The following ZNF529 variants were observed in gnomAD, a reference collection of about 807,000 sequenced individuals.
ZNF529 encodes zinc finger protein 529.
In ZNF529, 11 loss-of-function variants were observed where a neutral mutation model predicts 10.1. The observed-to-expected ratio is 1.09, with a 90% CI of 0.69 to 1.81. ZNF529 has a LOEUF of 1.81. Ranked by LOEUF, ZNF529 falls within the 40% of genes most tolerant of loss-of-function variation. The pLI is 0.00. For missense variants in ZNF529, 624 were observed against 666.8 expected (o/e 0.94, Z 0.71); for synonymous variants, 204 against 215.7 (o/e 0.95, Z 0.47).
At chr19:36,562,942 G>A (rs1310963545) in intron 2 of ZNF529, among the ~76,000 whole-genome samples, 1 of 152,020 alleles carries the variant, frequency 6.6e-6, no homozygotes, top group Non-Finnish European at 1.5e-5. Flanking sequence ...AGACTTCCTT[G>A]TCCTCCCTTT....
Position 36,560,179 on chromosome 19 carries a change from C to G in ZNF529, c.15-3982G>C, listed in dbSNP as rs12462921. Among the ~76,000 whole-genome samples the G allele has an allele frequency of 5.6e-3, 844 of 149,518 alleles. 26 individuals carry two copies. Among genetic ancestry groups the G allele is most frequent in the Admixed American group, 0.038 (573 of 14,934 alleles). ...GGCTGAGGCAGAACAATCACATGAA[C>G]CCAGGAGGCAGAGGTTGCGGTGAGC... is the stretch of plus-strand genomic sequence containing the variant. On this transcript the variant is annotated intron_variant, in intron 2 of 4. Coordinates refer to ENST00000591340, the MANE Select transcript of ZNF529 (RefSeq NM_020951.5).
At chr19:36,587,786 T>A (rs934454716) in intron 2 of ZNF529, among the ~76,000 whole-genome samples, 1 of 152,178 alleles carries the variant, frequency 6.6e-6, no homozygotes, top group Non-Finnish European at 1.5e-5. Context: ...TCCATTTATA[T>A]GAAATGTCCA....
intron 4 of ZNF529, among the ~76,000 whole-genome samples, chr19:36,549,367 T>C (rs748220765): frequency 1.1e-4 from 16 of 152,164 alleles, no homozygotes; most frequent in Non-Finnish European, 8.8e-5. Context: ...CCTAAGGACA[T>C]AGTATATGAT....
At chr19:36,603,085 A>T (rs934348930) in intron 1 of ZNF529, among the ~76,000 whole-genome samples, 1 of 152,080 alleles carries the variant, frequency 6.6e-6, no homozygotes, top group African/African-American at 2.4e-5. Flanking sequence ...TCTAACTCCT[A>T]AGGTCCTCTA....
At chr19:36,587,731 T>A (rs901143615) in intron 2 of ZNF529, among the ~76,000 whole-genome samples, 1 of 152,088 alleles carries the variant, frequency 6.6e-6, no homozygotes, top group Non-Finnish European at 1.5e-5. Flanking sequence ...TTCAAAACAT[T>A]ATGGTAAGTT....
chr19:36,568,732 A>G (rs1324269580), intron 2 of ZNF529, among the ~76,000 whole-genome samples: 1 of 152,074 alleles, frequency 6.6e-6, no homozygotes, highest in East Asian at 1.9e-4. Context: ...TTGGCCTCCC[A>G]AAGTGCTGGG....
At chr19:36,548,749 G>T (rs186946067) in intron 4 of ZNF529, among the ~76,000 whole-genome samples, 1 of 152,326 alleles carries the variant, frequency 6.6e-6, no homozygotes, top group African/African-American at 2.4e-5. Flanking sequence ...GCCTGGGCGT[G>T]TTGGCTCATG....
chr19:36,563,163 T>G (rs1174462046), intron 2 of ZNF529, among the ~76,000 whole-genome samples: 1 of 152,156 alleles, frequency 6.6e-6, no homozygotes, highest in Non-Finnish European at 1.5e-5. Context: ...GGCTCACGCC[T>G]GTAATCCCAG....
rs374246151 is a variant in ZNF529 at position 36,589,233 on chromosome 19, A to T, written c.-41+382T>A. On this transcript the variant is annotated intron_variant, in intron 2 of 4. Coordinates refer to the ZNF529 transcript ENST00000585960. ...TAAATGTCTGGGAATGCCAACTTGA[A>T]GCCCAGCTGGTCAGAAGTTCTAGAG... Among the ~76,000 whole-genome samples, 6 of 152,158 alleles carry T rather than the reference A, an allele frequency of 3.9e-5. No homozygotes were observed. In the East Asian group the frequency reaches 7.7e-4, roughly 20 times the overall value.
intron 3 of ZNF529, 134 bp downstream of exon 3, chr19:36,555,970 G>A (rs1485894283): frequency 1.3e-6 from 1 of 796,868 alleles, no homozygotes; most frequent in African/African-American, 1.7e-5. Context: ...GAGGGACACT[G>A]TGCTGTTAGA....
chr19:36,600,844 CAT>C (rs765489161), intron 1 of ZNF529, among the ~76,000 whole-genome samples: 14 of 152,302 alleles, frequency 9.2e-5, no homozygotes, highest in African/African-American at 1.9e-4. Context: ...ATAATTTTCA[CAT>C]GTCATGAAAT....
intron 4 of ZNF529, among the ~76,000 whole-genome samples, chr19:36,551,024 G>T (rs1241512509): frequency 2.0e-5 from 3 of 152,168 alleles, no homozygotes; most frequent in Non-Finnish European, 4.4e-5. Flanking sequence ...TAATAAGCCA[G>T]GAATCCTAGA....
At chr19:36,555,059 C>G (rs1291478038) in intron 3 of ZNF529, among the ~76,000 whole-genome samples, 1 of 152,098 alleles carries the variant, frequency 6.6e-6, no homozygotes, top group Non-Finnish European at 1.5e-5. Context: ...AACCAGTTTA[C>G]AAATTAAAAG....
At position 36,547,454 on chromosome 19, in the gene ZNF529, A is replaced by G. The variant is rs780838617; in HGVS notation, c.1104T>C (p.Cys368=). 1.4e-5 allele frequency: 23 copies of G among 1,613,830 alleles called. No individual in the cohort carries two copies. In the East Asian group the frequency reaches 4.0e-4, roughly 28 times the overall value. The change falls in exon 5 of 5, where the codon TGT becomes TGC. Residue 368 remains cysteine, a synonymous_variant. Coordinates refer to ENST00000591340, the MANE Select transcript of ZNF529 (RefSeq NM_020951.5). ...RIHTGEKPYA[C]KECGKAFGVC... The stretch of plus-strand genomic sequence containing the variant: ...CTCCAAAAGCCTTCCCACATTCCTT[A>G]CATGCATAAGGTTTCTCACCAGTGT...
At chr19:36,579,508 A>G (rs1241650284) in intron 2 of ZNF529, among the ~76,000 whole-genome samples, 1 of 152,240 alleles carries the variant, frequency 6.6e-6, no homozygotes, top group East Asian at 1.9e-4. Context: ...GTAGCCTACT[A>G]CATACCTAAG....
In ZNF529 at chr19:36,572,318, A is replaced by AC. The variant is rs1289092731; in HGVS notation, c.14+14_14+15insG. 19 of 1,539,248 alleles carry AC rather than the reference A, an allele frequency of 1.2e-5. No individual in the cohort carries two copies. Among genetic ancestry groups the AC allele is most frequent in the South Asian group, 4.8e-5 (4 of 83,560 alleles). ...AACCAAGGGACCAGGTAAATGAACA[A>AC]AAAAAAAAACTAACCTTGAGTTGGC... On this transcript the variant is annotated intron_variant, in intron 2 of 4. Transcript: ENST00000591340.
intron 2 of ZNF529, among the ~76,000 whole-genome samples, chr19:36,567,609 T>C (rs1165326359): frequency 6.6e-6 from 1 of 152,050 alleles, no homozygotes; most frequent in Non-Finnish European, 1.5e-5. Flanking sequence ...GCCTGGCTAA[T>C]TTTTGTATTT....
rs2035093744 is a variant in ZNF529, at chr19:36,547,700, G to A, written c.858C>T (p.Phe286=). Residue 286 remains phenylalanine, a synonymous_variant, in exon 5 of 5, where the codon TTC becomes TTT. Transcript: ENST00000591340. ...CATGCACTCTAAAGGATTTCCCACA[G>A]AATGAGCATTCAAAGTGTTTCTCAC... The part of the protein sequence containing the change: ...HDGEKHFECS[F]CGKSFRVHAQ... 1 of 1,613,736 alleles carries A rather than the reference G, an allele frequency of 6.2e-7. No homozygotes were observed. The highest frequency in any genetic ancestry group is 8.5e-7 in the Non-Finnish European group (1 of 1,179,844).
At chr19:36,599,347 A>T (rs1361065858) in intron 1 of ZNF529, among the ~76,000 whole-genome samples, 2 of 152,218 alleles carry the variant, frequency 1.3e-5, no homozygotes, top group Non-Finnish European at 2.9e-5. Flanking sequence ...ATATGTATAT[A>T]ATTCTAAAAG....
Sources: gnomAD v4.1 joint callset for allele counts (sites outside exome capture counted in the v4.1 genomes callset) on GRCh38, gnomAD v4.1.1 for gene constraint, MANE v1.5 for transcripts, NCBI Gene and HGNC (gene_info 2026-07-23, HGNC 2026-07-21) for gene names.